Variants in GATM observed in about 807,000 individuals in gnomAD.
The protein encoded by GATM is glycine amidinotransferase.
Under a neutral mutation model 54.2 loss-of-function variants are expected in GATM, and 23 were observed. The observed-to-expected ratio is 0.42, with a 90% CI of 0.31 to 0.60. The LOEUF (loss-of-function observed/expected upper bound fraction) is 0.60. GATM is among the 20% of genes least tolerant of loss of function. The probability of loss-of-function intolerance (pLI) is 0.14; values close to 1 mark genes in which losing one functional copy is unlikely to be tolerated. For synonymous variants in GATM, 168 were observed against 183.1 expected, an observed-to-expected ratio of 0.92 and a Z score of 0.67; for missense variants, 401 against 544.9, an observed-to-expected ratio of 0.74 and a Z score of 2.63.
chr15:45,384,126 TCA>T (rs1262512995), intron 3 of GATM, among the ~76,000 whole-genome samples: 1 of 152,228 alleles, frequency 6.6e-6, no homozygotes, highest in African/African-American at 2.4e-5. Flanking sequence ...CTTGATTTTC[TCA>T]CAGATTCTCA....
At chr15:45,388,353 C>G (rs528091599) in intron 3 of GATM, among the ~76,000 whole-genome samples, 3 of 152,308 alleles carry the variant, frequency 2.0e-5, no homozygotes, top group South Asian at 2.1e-4. Context: ...TTGGTTTACC[C>G]TGTTATTGTC....
At chr15:45,364,102 A>G (rs1017665806) in intron 7 of GATM, 86 bp from the exon 8 acceptor site, 1 of 806,990 alleles carries the variant, frequency 1.2e-6, no homozygotes, top group Non-Finnish European at 2.2e-6. Context: ...TTAAAGTGAC[A>G]GCTCAGTTCT....
At chr15:45,363,109 C>T (rs1889389889) in intron 8 of GATM, among the ~76,000 whole-genome samples, 1 of 152,044 alleles carries the variant, frequency 6.6e-6, no homozygotes, top group Admixed American at 6.5e-5. Flanking sequence ...CCCCTCTCTA[C>T]TAAAAATACA....
At position 45,361,860 on chromosome 15, in the gene GATM, A is replaced by G; in HGVS notation, c.*249T>C. 1.8e-6 allele frequency: 1 copy of G among 554,388 alleles called. No individual in the cohort carries two copies. Among genetic ancestry groups the G allele is most frequent in the South Asian group, 2.7e-5 (1 of 37,234 alleles). 34.3% of individuals were successfully genotyped at this position (554,388 alleles called of 1,614,324 possible). On this transcript the variant is annotated 3_prime_UTR_variant, in exon 9 of 9. Coordinates refer to ENST00000396659, the MANE Select transcript of GATM (RefSeq NM_001482.3). ...CAGGTGACTAATTTTTTCTTGGTAC[A>G]CATTCACCAAAATTTTATACTTGAA...
intron 3 of GATM, among the ~76,000 whole-genome samples, chr15:45,389,840 C>CT (rs1334945076): frequency 6.6e-6 from 1 of 151,882 alleles, no homozygotes; most frequent in East Asian, 1.9e-4. Flanking sequence ...TTTTGCATTT[C>CT]TTTTTTTCTT....
rs1566838804 is a variant in GATM at position 45,362,146 on chromosome 15, A to G, written c.1235T>C (p.Val412Ala). ...GGGFHCWTCD[V>A]RRRGTLQSYL... ...GGACTGTAAGGTGCCTCGGCGCCGG[A>G]CATCGCAGGTCCAGCAATGGAAGCC... The change falls in exon 9 of 9, where the codon GTC (valine) becomes GCC (alanine). Residue 412 changes from valine (V) to alanine (A), a missense_variant. Val to Ala is a moderately conservative substitution (Grantham distance 64). Around this residue, in one of 3 missense-constraint regions of GATM, gnomAD observed 321 missense variants for 457.5 expected, o/e 0.70. Transcript: ENST00000396659. 6.2e-7 allele frequency: 1 copy of G among 1,613,986 alleles called. No homozygotes were observed. Among genetic ancestry groups the G allele is most frequent in the East Asian group, 2.2e-5 (1 of 44,874 alleles).
intron 3 of GATM, among the ~76,000 whole-genome samples, chr15:45,390,261 G>C (rs1889856422): frequency 6.6e-6 from 1 of 152,196 alleles, no homozygotes; most frequent in African/African-American, 2.4e-5. Flanking sequence ...TTGTGGTCTG[G>C]CTGTTGACAG....
At chr15:45,389,095 G>A (rs572939301) in intron 3 of GATM, among the ~76,000 whole-genome samples, 27 of 152,290 alleles carry the variant, frequency 1.8e-4, no homozygotes, top group African/African-American at 6.5e-4. Context: ...CTCCTTAGGG[G>A]ATATCATCAT....
Position 45,378,377 on chromosome 15 carries a change from G to A in GATM, c.69+8C>T, listed in dbSNP as rs1044785525. The A allele has an allele frequency of 9.2e-6, 14 of 1,516,952 alleles. No homozygotes were observed. Among genetic ancestry groups the A allele is most frequent in the Admixed American group, 8.1e-5 (4 of 49,464 alleles). The allele number at this position is 1,516,952 out of a possible 1,614,324, so 94.0% of individuals were successfully genotyped here. A position where few individuals can be genotyped will look rare whatever the true frequency, so the allele number is the denominator to read the frequency against. On this transcript the variant is annotated splice_region_variant and intron_variant, in intron 1 of 8. Transcript: ENST00000396659. ...GCGGCCGCCAGACGAGGCCGGTGGC[G>A]CACGCACCCGAGATCCGATGTAGTG...
intron 3 of GATM, among the ~76,000 whole-genome samples, chr15:45,393,024 TA>T (rs1889888632): frequency 6.6e-6 from 1 of 152,234 alleles, no homozygotes; most frequent in African/African-American, 2.4e-5. Context: ...ACTGACCACT[TA>T]ATATGTGCCT....
At chr15:45,365,424 G>A (rs1400968845) in intron 6 of GATM, among the ~76,000 whole-genome samples, 2 of 152,100 alleles carry the variant, frequency 1.3e-5, no homozygotes, top group Non-Finnish European at 2.9e-5. Context: ...CATGGTCATC[G>A]GGTTTAAAAA....
At chr15:45,383,068 C>T (rs1889761358), upstream of GATM, among the ~76,000 whole-genome samples, 1 of 152,134 alleles carries the variant, frequency 6.6e-6, no homozygotes, top group African/African-American at 2.4e-5. Flanking sequence ...TTTTACCCAC[C>T]AGTATATCCC....
chr15:45,372,776 G>C (rs1403032845), intron 2 of GATM, among the ~76,000 whole-genome samples: 1 of 152,182 alleles, frequency 6.6e-6, no homozygotes, highest in African/African-American at 2.4e-5. Context: ...ATTTTTTCTT[G>C]TAGAGTTTAT....
intron 7 of GATM, 140 bp downstream of exon 7, chr15:45,364,657 C>T (rs1889419330): frequency 1.3e-6 from 1 of 746,822 alleles, no homozygotes; most frequent in South Asian, 1.6e-5. Context: ...CTGATGCTCA[C>T]AGTCCCAAGC....
chr15:45,365,777 C>T lies in GATM; in HGVS notation c.978+269G>A, dbSNP rs546855071. Among the ~76,000 whole-genome samples, 3 of 152,328 alleles carry T rather than the reference C, an allele frequency of 2.0e-5. No homozygotes were observed. The South Asian group carries it at 6.2e-4, about 32-fold the overall frequency. On this transcript the variant is annotated intron_variant, in intron 6 of 8. Transcript: ENST00000396659. ...CACCATCGTTTGATAAAAATACACA[C>T]ATATGCACAAACTTGAGGCTCTGAC...
At chr15:45,387,613 C>A (rs907661403) in intron 3 of GATM, among the ~76,000 whole-genome samples, 1 of 152,194 alleles carries the variant, frequency 6.6e-6, no homozygotes, top group African/African-American at 2.4e-5. Flanking sequence ...AGAGCAAGGG[C>A]TACAGCTCCT....
chr15:45,402,172 G>C (rs1890027727), exon 1 of GATM: 2 of 520,188 alleles, frequency 3.8e-6, no homozygotes, highest in Admixed American at 8.3e-5. Flanking sequence ...CCAGACACCT[G>C]TAACGAAGAC....
intron 2 of GATM, among the ~76,000 whole-genome samples, chr15:45,374,014 T>C (rs979844390): frequency 4.6e-5 from 7 of 152,044 alleles, no homozygotes; most frequent in Admixed American, 4.6e-4. Context: ...TCCATACAAC[T>C]ATAATAAGTT....
intron 3 of GATM, among the ~76,000 whole-genome samples, chr15:45,392,957 G>A (rs1889888084): frequency 6.6e-6 from 1 of 152,140 alleles, no homozygotes; most frequent in African/African-American, 2.4e-5. Flanking sequence ...CAAGTAATGG[G>A]AAATATGTCT....
Sources: allele counts gnomAD v4.1 joint callset (sites outside exome capture counted in the v4.1 genomes callset), GRCh38; gene constraint gnomAD v4.1.1; regional missense constraint gnomAD v4.1.1; transcripts MANE v1.5; gene names NCBI Gene and HGNC (gene_info 2026-07-23, HGNC 2026-07-21).